PEAK1: variants seen among roughly 807,000 people sequenced by gnomAD.
The protein encoded by PEAK1 is inactive tyrosine-protein kinase PEAK1.
Under a neutral mutation model 124.7 loss-of-function variants are expected in PEAK1, and 54 were observed. The ratio of observed to expected loss-of-function variants is 0.43; its 90% CI spans 0.35 to 0.54. PEAK1 has a LOEUF of 0.54. Among genes scored for constraint, PEAK1 ranks in the 20% least tolerant of loss-of-function variants. The pLI, the probability that PEAK1 is intolerant of heterozygous loss-of-function variation, is 0.01. For synonymous variants in PEAK1, 719 were observed against 760.0 expected (o/e 0.95, Z 0.89); for missense variants, 2,046 against 2,134.5 (o/e 0.96, Z 0.82).
chr15:77,335,265 T>C, intron 2 of PEAK1: 1 of 985,428 alleles, frequency 1.0e-6, no homozygotes, highest in Non-Finnish European at 1.2e-6. Flanking sequence ...TCCAGGACCA[T>C]AAGCAATGCT....
At chr15:77,270,418 A>G (rs1941003180) in intron 5 of PEAK1, among the ~76,000 whole-genome samples, 1 of 152,228 alleles carries the variant, frequency 6.6e-6, no homozygotes, top group African/African-American at 2.4e-5. Context: ...GCTGATAGCA[A>G]CTTCAGCAAA....
At chr15:77,204,838 AG>A (rs951033171) in intron 6 of PEAK1, 1 of 161,394 alleles carries the variant, frequency 6.2e-6, no homozygotes, top group Non-Finnish European at 1.3e-5. Flanking sequence ...CAGGAGGCAG[AG>A]GTTGCAGTAA....
intron 2 of PEAK1, chr15:77,336,241 A>G: frequency 1.0e-6 from 1 of 985,356 alleles, no homozygotes; most frequent in Non-Finnish European, 1.2e-6. Flanking sequence ...AAGAACCACA[A>G]TGGGCACAAA....
intron 6 of PEAK1, among the ~76,000 whole-genome samples, chr15:77,225,959 T>C (rs2059625166): frequency 6.9e-6 from 1 of 144,680 alleles, no homozygotes; most frequent in Admixed American, 7.0e-5. Context: ...CATTACGCTC[T>C]AAGTATTTAA....
In PEAK1 at chr15:77,181,922, G is replaced by C; in HGVS notation, c.5C>G (p.Ser2Cys). 1 of 1,545,022 alleles carries C rather than the reference G, an allele frequency of 6.5e-7. No individual in the cohort carries two copies. The highest frequency in any genetic ancestry group is 1.2e-5 in the South Asian group (1 of 80,256). The change falls in exon 7 of 10, where the codon TCT becomes TGT. Residue 2 changes from serine to cysteine, a missense_variant. Coordinates refer to ENST00000682557, the MANE Select transcript of PEAK1 (RefSeq NM_001385026.1). Reference sequence around the variant, plus strand: ...ATGTTCAGTAAAGGTGTTACAAGCAGACATTTTTAAAAATAGAACTTCACA... The same window carrying C: ...ATGTTCAGTAAAGGTGTTACAAGCACACATTTTTAAAAATAGAACTTCACA... M[S>C]ACNTFTEHVW...
intron 8 of PEAK1, chr15:77,157,940 C>G (rs946264025): frequency 6.6e-6 from 1 of 152,528 alleles, no homozygotes; most frequent in African/African-American, 2.4e-5. Flanking sequence ...TTTGATGGCT[C>G]ACTAACATAA....
intron 5 of PEAK1, among the ~76,000 whole-genome samples, chr15:77,256,653 G>C (rs2061152947): frequency 6.6e-6 from 1 of 151,376 alleles, no homozygotes; most frequent in Non-Finnish European, 1.5e-5. Flanking sequence ...CAAATGTCAT[G>C]GTCCATAAAT....
intron 2 of PEAK1, among the ~76,000 whole-genome samples, chr15:77,358,272 C>T (rs2067652438): frequency 6.6e-6 from 1 of 152,090 alleles, no homozygotes; most frequent in Non-Finnish European, 1.5e-5. Flanking sequence ...ACCCTATGTT[C>T]CCCTCTATCA....
chr15:77,316,746 T>G (rs556586776), intron 2 of PEAK1, among the ~76,000 whole-genome samples: 8 of 152,290 alleles, frequency 5.3e-5, no homozygotes, highest in Middle Eastern at 3.4e-3. Context: ...TAAAACTATA[T>G]GTATACCTAT....
At chr15:77,291,963 C>G (rs1231588298) in intron 2 of PEAK1, among the ~76,000 whole-genome samples, 5 of 115,462 alleles carry the variant, frequency 4.3e-5, no homozygotes, top group African/African-American at 1.4e-4. Context: ...GGCGACGGAG[C>G]AAGACTCCGT....
chr15:77,153,422 T>C (rs998075599), intron 8 of PEAK1, among the ~76,000 whole-genome samples: 10 of 152,186 alleles, frequency 6.6e-5, no homozygotes, highest in African/African-American at 2.4e-4. Flanking sequence ...TTGTTGATCT[T>C]TTCAAAAAAA....
chr15:77,390,443 T>C (rs2070360335), intron 1 of PEAK1, among the ~76,000 whole-genome samples: 1 of 152,230 alleles, frequency 6.6e-6, no homozygotes, highest in Non-Finnish European at 1.5e-5. Flanking sequence ...TGGTGATGGA[T>C]GACAGCATTA....
chr15:77,237,880 G>A (rs1256617293), intron 6 of PEAK1, among the ~76,000 whole-genome samples: 2 of 151,798 alleles, frequency 1.3e-5, no homozygotes, highest in Non-Finnish European at 2.9e-5. Context: ...CTTTTTATTT[G>A]CCTGATTAAT....
chr15:77,263,470 T>C (rs566372420), intron 5 of PEAK1, among the ~76,000 whole-genome samples: 8 of 152,200 alleles, frequency 5.3e-5, no homozygotes, highest in African/African-American at 1.9e-4. Context: ...GAGAATACTA[T>C]AAACACCTCT....
intron 7 of PEAK1, among the ~76,000 whole-genome samples, chr15:77,161,117 C>T (rs1471980752): frequency 3.9e-5 from 6 of 152,198 alleles, no homozygotes; most frequent in African/African-American, 1.4e-4. Context: ...AAAACTCACC[C>T]GCTGTGCTCA....
At chr15:77,238,482 T>G (rs1212180056) in intron 6 of PEAK1, among the ~76,000 whole-genome samples, 1 of 152,202 alleles carries the variant, frequency 6.6e-6, no homozygotes, top group East Asian at 1.9e-4. Context: ...AACTCTTGTT[T>G]TGCTTTCTTT....
chr15:77,152,064 T>C (rs1479596432), intron 8 of PEAK1, among the ~76,000 whole-genome samples: 1 of 152,232 alleles, frequency 6.6e-6, no homozygotes, highest in Non-Finnish European at 1.5e-5. Context: ...ATTGTACCTA[T>C]AAATTACCTT....
chr15:77,252,833 C>T (rs546315109), intron 5 of PEAK1, among the ~76,000 whole-genome samples: 122 of 152,188 alleles, frequency 8.0e-4, no homozygotes, highest in African/African-American at 2.9e-3. Flanking sequence ...TATATGAATA[C>T]TAACTCAATG....
intron 7 of PEAK1, among the ~76,000 whole-genome samples, chr15:77,170,174 C>G (rs1386827746): frequency 6.6e-6 from 1 of 151,856 alleles, no homozygotes; most frequent in Non-Finnish European, 1.5e-5. Context: ...AGAGACAGAA[C>G]AAGATTGGTT....
Sources: gnomAD v4.1 joint callset for allele counts (sites outside exome capture counted in the v4.1 genomes callset) on GRCh38, gnomAD v4.1.1 for gene constraint, MANE v1.5 for transcripts, NCBI Gene and HGNC (gene_info 2026-07-23, HGNC 2026-07-21) for gene names.